Variants in RASAL2 observed in about 807,000 individuals in gnomAD.
RASAL2 encodes the protein ras GTPase-activating protein nGAP.
Under a neutral mutation model 128.9 loss-of-function variants are expected in RASAL2, and 58 were observed. The ratio of observed to expected loss-of-function variants is 0.45; its 90% CI spans 0.36 to 0.56. The LOEUF is 0.56. Ranked by LOEUF, RASAL2 falls within the 20% of genes least tolerant of loss-of-function variation. The pLI is 0.00. For synonymous variants in RASAL2, 561 were observed against 580.8 expected (o/e 0.97, Z 0.49); for missense variants, 1,360 against 1,601.6 (o/e 0.85, Z 2.57).
intron 1 of RASAL2, among the ~76,000 whole-genome samples, chr1:178,165,588 A>G (rs1022948850): frequency 1.3e-5 from 2 of 152,194 alleles, no homozygotes; most frequent in African/African-American, 4.8e-5. Flanking sequence ...GTACACATAC[A>G]TGTACACATA....
At chr1:178,190,125 A>G (rs1227918187) in intron 1 of RASAL2, among the ~76,000 whole-genome samples, 5 of 152,182 alleles carry the variant, frequency 3.3e-5, no homozygotes, top group Non-Finnish European at 7.4e-5. Flanking sequence ...TATCTGGTCT[A>G]AAATGAGTTT....
intron 1 of RASAL2, among the ~76,000 whole-genome samples, chr1:178,262,882 CAG>C (rs1188400752): frequency 6.8e-6 from 1 of 146,098 alleles, no homozygotes; most frequent in African/African-American, 2.5e-5. Context: ...ACCTAAATAA[CAG>C]AAAGTGTTTT....
intron 1 of RASAL2, among the ~76,000 whole-genome samples, chr1:178,120,664 G>A (rs1454572809): frequency 6.6e-6 from 1 of 152,144 alleles, no homozygotes; most frequent in Non-Finnish European, 1.5e-5. Context: ...ATTTATTATG[G>A]TCTCTGTGCA....
intron 1 of RASAL2, among the ~76,000 whole-genome samples, chr1:178,258,293 CAA>C (rs993642772): frequency 2.2e-4 from 15 of 69,360 alleles, no homozygotes; most frequent in Admixed American, 3.2e-4. Flanking sequence ...GACTGCATCT[CAA>C]AAAAAAAAAA....
intron 2 of RASAL2, 92 bp downstream of exon 2, chr1:178,283,783 T>G: frequency 6.7e-7 from 1 of 1,487,922 alleles, no homozygotes; most frequent in Non-Finnish European, 9.3e-7. Flanking sequence ...AAAAGTTGGA[T>G]TATAAAAATA....
At chr1:178,371,351 CAA>C (rs59292488) in intron 3 of RASAL2, among the ~76,000 whole-genome samples, 164 of 112,996 alleles carry the variant, frequency 1.5e-3, no homozygotes, top group African/African-American at 7.3e-3. Flanking sequence ...CACACACACA[CAA>C]ATACACACAC....
intron 1 of RASAL2, among the ~76,000 whole-genome samples, chr1:178,172,064 C>T (rs1661723837): frequency 6.6e-6 from 1 of 151,822 alleles, no homozygotes; most frequent in South Asian, 2.1e-4. Flanking sequence ...TGGGCCAGGA[C>T]AAGGCCTAAG....
chr1:178,253,556 T>G (rs1665159309), intron 1 of RASAL2, among the ~76,000 whole-genome samples: 1 of 152,138 alleles, frequency 6.6e-6, no homozygotes, highest in Non-Finnish European at 1.5e-5. Flanking sequence ...TTATTTCACC[T>G]GGGTGCAGGC....
intron 1 of RASAL2, among the ~76,000 whole-genome samples, chr1:178,263,645 T>C (rs567323426): frequency 6.6e-6 from 1 of 152,258 alleles, no homozygotes; most frequent in South Asian, 2.1e-4. Flanking sequence ...AGGACATGGG[T>C]CTTGCCAGGG....
chr1:178,332,272 G>A (rs967780054), intron 3 of RASAL2, among the ~76,000 whole-genome samples: 19 of 151,988 alleles, frequency 1.3e-4, no homozygotes, highest in East Asian at 1.2e-3. Flanking sequence ...AGGCCGAGGC[G>A]GGCAGATCAC....
At position 178,442,831 on chromosome 1, in the gene RASAL2, G is replaced by A. The variant is rs752504099; in HGVS notation, c.1084G>A (p.Glu362Lys). 5 of 1,613,840 alleles carry A rather than the reference G, an allele frequency of 3.1e-6. No homozygotes were observed. Among genetic ancestry groups the A allele is most frequent in the Admixed American group, 3.3e-5 (2 of 59,954 alleles). Residue 362 changes from glutamate to lysine, a missense_variant, in exon 8 of 18, where the codon GAA becomes AAA. Transcript: ENST00000367649. The part of the protein sequence containing the change: ...KTKADNIFWG[E>K]HFEFFSLPPL... ...CAAAGCAGACAATATTTTCTGGGGC[G>A]AACATTTTGAATTCTTCAGCCTTCC...
Position 178,208,980 on chromosome 1 carries a change from AT to A in RASAL2, c.203-74573del, listed in dbSNP as rs967832936. Reference sequence around the variant, plus strand: ...CCTCTGATAAAATCAGGGAAAAAAGATTTTTTTTTTTAAATGATCGTATGGT... The same window carrying A: ...CCTCTGATAAAATCAGGGAAAAAAGATTTTTTTTTTAAATGATCGTATGGT... On this transcript the variant is annotated intron_variant, in intron 1 of 17. Coordinates refer to ENST00000367649, the MANE Select transcript of RASAL2 (RefSeq NM_170692.4). Among the ~76,000 whole-genome samples the A allele has an allele frequency of 4.4e-3, 654 of 148,984 alleles. 3 individuals are homozygous for A. Among genetic ancestry groups the A allele is most frequent in the African/African-American group, 0.014 (584 of 40,652 alleles).
At chr1:178,183,185 T>G (rs1332922774) in intron 1 of RASAL2, among the ~76,000 whole-genome samples, 1 of 152,182 alleles carries the variant, frequency 6.6e-6, no homozygotes, top group Non-Finnish European at 1.5e-5. Context: ...TTTACAGACT[T>G]CACTAGTTTC....
At chr1:178,136,374 A>G (rs1043168327) in intron 1 of RASAL2, among the ~76,000 whole-genome samples, 5 of 152,174 alleles carry the variant, frequency 3.3e-5, no homozygotes, top group African/African-American at 1.2e-4. Flanking sequence ...TTCCTCATCT[A>G]GAATAATAGT....
rs10690864 is a variant in RASAL2, at chr1:178,145,570, A to AAG, written c.202+50876_202+50877insAG. Among the ~76,000 whole-genome samples the AAG allele has an allele frequency of 2.1e-3, 318 of 149,870 alleles. 4 individuals are homozygous for AAG. The East Asian group carries it at 0.037, about 17-fold the overall frequency. Reference sequence around the variant, plus strand: ...TGACTTTGACAAAAAAAAAAAAAAAAGGGGGAGTATATTAGTTTTAAGTTT... The same window carrying AAG: ...TGACTTTGACAAAAAAAAAAAAAAAAAGGGGGGAGTATATTAGTTTTAAGTTT... On this transcript the variant is annotated intron_variant, in intron 1 of 17. Transcript: ENST00000367649.
chr1:178,351,343 C>T (rs1670467644), intron 3 of RASAL2, among the ~76,000 whole-genome samples: 2 of 152,120 alleles, frequency 1.3e-5, no homozygotes, highest in South Asian at 4.1e-4. Flanking sequence ...TGACTCATTC[C>T]AGTATTAACT....
chr1:178,180,833 C>G (rs1662082594), intron 1 of RASAL2, among the ~76,000 whole-genome samples: 2 of 151,404 alleles, frequency 1.3e-5, no homozygotes. Context: ...AAAAAAAACC[C>G]ACAATTTATT....
intron 4 of RASAL2, among the ~76,000 whole-genome samples, chr1:178,396,264 T>C (rs1472544155): frequency 2.6e-5 from 4 of 152,070 alleles, no homozygotes; most frequent in Non-Finnish European, 5.9e-5. Context: ...AAGAGGGCTG[T>C]TTGAGAGAGA....
intron 1 of RASAL2, among the ~76,000 whole-genome samples, chr1:178,120,538 G>A (rs1659679444): frequency 1.3e-5 from 2 of 152,222 alleles, no homozygotes; most frequent in African/African-American, 2.4e-5. Flanking sequence ...CACCAGATGC[G>A]GCTGTACCAT....
Sources: gnomAD v4.1 joint callset for allele counts (sites outside exome capture counted in the v4.1 genomes callset) on GRCh38, gnomAD v4.1.1 for gene constraint, MANE v1.5 for transcripts, NCBI Gene and HGNC (gene_info 2026-07-23, HGNC 2026-07-21) for gene names.